The following SORT1 variants were observed in gnomAD, a reference collection of about 807,000 sequenced individuals.
The protein encoded by SORT1 is sortilin 1, also known as sortilin.
SORT1 carries 39 observed loss-of-function variants against 101.7 expected under a neutral mutation model. The ratio of observed to expected loss-of-function variants is 0.38; its 90% confidence interval spans 0.30 to 0.50. SORT1 has a LOEUF of 0.50. SORT1 is among the 20% of genes least tolerant of loss of function. The pLI is 0.90. For missense variants in SORT1, 878 were observed against 1,040.4 expected, an observed-to-expected ratio of 0.84 and a Z score of 2.15; for synonymous variants, 396 against 393.7, an observed-to-expected ratio of 1.01 and a Z score of -0.07.
chr1:109,327,410 T>A, intron 12 of SORT1, 89 bp downstream of exon 12: 3 of 827,840 alleles, frequency 3.6e-6, no homozygotes, highest in Non-Finnish European at 5.8e-6. Context: ...CCACATTGTT[T>A]CTTCTCAGAG....
intron 11 of SORT1, among the ~76,000 whole-genome samples, chr1:109,329,201 A>T (rs962415416): frequency 2.6e-5 from 4 of 152,114 alleles, no homozygotes; most frequent in Admixed American, 6.5e-5. Flanking sequence ...AAGTAGAGAT[A>T]AAAAAAAGAT....
chr1:109,358,305 A>G (rs1336583440), intron 3 of SORT1, among the ~76,000 whole-genome samples: 2 of 152,186 alleles, frequency 1.3e-5, no homozygotes, highest in African/African-American at 4.8e-5. Context: ...TTCTATCAGC[A>G]TACATATCAT....
chr1:109,359,202 T>A (rs1257424047), intron 3 of SORT1, among the ~76,000 whole-genome samples: 2 of 152,170 alleles, frequency 1.3e-5, no homozygotes, highest in South Asian at 4.2e-4. Flanking sequence ...CTCTTGTCAC[T>A]GTAACCGTAC....
chr1:109,313,697 C>G lies in SORT1; in HGVS notation c.*346G>C. 3.1e-6 allele frequency: 1 copy of G among 318,170 alleles called. No homozygotes were observed. Among genetic ancestry groups the G allele is most frequent in the Non-Finnish European group, 5.9e-6 (1 of 170,518 alleles). 19.7% of individuals were successfully genotyped at this position (318,170 alleles called of 1,614,324 possible). ...CCTGGGGCAGGCGCCATGCAGAACA[C>G]ACAGAAGTGGGGTTAGTGAAAAGGT... is the stretch of plus-strand genomic sequence containing the variant. On this transcript the variant is annotated 3_prime_UTR_variant, in exon 20 of 20. Transcript: ENST00000256637.
chr1:109,393,238 C>T (rs1653017013), intron 1 of SORT1: 1 of 985,296 alleles, frequency 1.0e-6, no homozygotes, highest in Non-Finnish European at 1.2e-6. Context: ...ATTTAAGGAA[C>T]CAGATGCTTT....
intron 3 of SORT1, among the ~76,000 whole-genome samples, chr1:109,360,628 C>T (rs1255201185): frequency 2.0e-5 from 3 of 151,912 alleles, no homozygotes; most frequent in African/African-American, 4.8e-5. Flanking sequence ...TGAGCCACTG[C>T]GCCTGGCCTA....
At chr1:109,314,503 G>A in intron 18 of SORT1, 119 bp from the exon 19 acceptor site, 2 of 1,287,982 alleles carry the variant, frequency 1.6e-6, no homozygotes, top group Non-Finnish European at 2.2e-6. Flanking sequence ...AGAAAGCACA[G>A]TCCATGGTTG....
rs1253451043 is a variant in SORT1 at position 109,397,856 on chromosome 1, G to C, written c.37C>G (p.Arg13Gly). The C allele has an allele frequency of 2.3e-6, 3 of 1,284,516 alleles. No homozygotes were observed. The highest frequency in any genetic ancestry group is 1.8e-5 in the South Asian group (1 of 55,440). 79.6% of individuals were successfully genotyped at this position (1,284,516 alleles called of 1,614,324 possible). Residue 13 changes from arginine to glycine, a missense_variant, in exon 1 of 20, where the codon CGC becomes GGC. Physicochemically the swap from Arg to Gly is moderately radical, Grantham distance 125 (BLOSUM62 -2). Around this residue, in one of 2 missense-constraint regions of SORT1, gnomAD observed 194 missense variants for 145.9 expected, o/e 1.33. Transcript: ENST00000256637. ...RPWGAADGLSRWPHGLGLLLL... is the reference protein window; with the variant it reads ...RPWGAADGLSGWPHGLGLLLL... Reference sequence around the variant, plus strand: ...AGGAGGCCGAGGCCATGGGGCCAGCGCGAGAGGCCGTCCGCAGCTCCCCAG... The same window carrying C: ...AGGAGGCCGAGGCCATGGGGCCAGCCCGAGAGGCCGTCCGCAGCTCCCCAG...
chr1:109,316,723 GA>G, intron 17 of SORT1, 126 bp downstream of exon 17: 2 of 627,952 alleles, frequency 3.2e-6, no homozygotes, highest in Non-Finnish European at 5.6e-6. Context: ...CTGTATAAGG[GA>G]AGCCTGAGAG....
chr1:109,345,396 T>C (rs1189892646), intron 8 of SORT1, among the ~76,000 whole-genome samples: 1 of 152,000 alleles, frequency 6.6e-6, no homozygotes, highest in Non-Finnish European at 1.5e-5. Context: ...ACACCTATAG[T>C]CCCACTTACT....
chr1:109,327,558 A>C lies in SORT1; in HGVS notation c.1415T>G (p.Leu472Arg). The C allele has an allele frequency of 6.2e-7, 1 of 1,611,906 alleles. No individual in the cohort carries two copies. The highest frequency in any genetic ancestry group is 8.5e-7 in the Non-Finnish European group (1 of 1,179,344). Residue 472 changes from leucine to arginine, a missense_variant, in exon 12 of 20, where the codon CTG (leucine) becomes CGG (arginine). This residue lies in a region of SORT1 where 684 missense variants were observed against 894.5 expected (regional missense o/e 0.76). Coordinates refer to ENST00000256637, the MANE Select transcript of SORT1 (RefSeq NM_002959.7). ...IHASYSISQK[L>R]NVPMAPLSEP... ...TGAGAGTGGGGCCATTGGAACATTC[A>C]GTTTCTGGGAGATGCTGTAGGAAGC...
chr1:109,321,531 A>G (rs2101538183), intron 15 of SORT1, among the ~76,000 whole-genome samples: 1 of 152,318 alleles, frequency 6.6e-6, no homozygotes, highest in South Asian at 2.1e-4. Flanking sequence ...CTACTGGAAC[A>G]CCAAAGGTGA....
At chr1:109,367,565 A>C in intron 2 of SORT1, 84 bp from the exon 3 acceptor site, 1 of 845,062 alleles carries the variant, frequency 1.2e-6, no homozygotes, top group South Asian at 1.5e-5. Flanking sequence ...GCCAACACCT[A>C]AAAGACTTTT....
At chr1:109,327,357 T>G (rs987482120) in intron 12 of SORT1, 142 bp downstream of exon 12, 32 of 709,686 alleles carry the variant, frequency 4.5e-5, no homozygotes, top group Middle Eastern at 5.7e-4. Context: ...ACCCAAAGTG[T>G]TGTTATAATG....
intron 1 of SORT1, among the ~76,000 whole-genome samples, chr1:109,386,833 G>T (rs905833813): frequency 6.6e-6 from 1 of 151,572 alleles, no homozygotes; most frequent in Non-Finnish European, 1.5e-5. Context: ...AAACTTCACA[G>T]AGATCAGTAG....
chr1:109,362,437 T>C (rs1192581089), intron 3 of SORT1, among the ~76,000 whole-genome samples: 1 of 152,194 alleles, frequency 6.6e-6, no homozygotes, highest in East Asian at 1.9e-4. Context: ...AAAATAATCA[T>C]GGACCTGAAA....
intron 13 of SORT1, among the ~76,000 whole-genome samples, chr1:109,326,165 G>A (rs1009170618): frequency 5.4e-5 from 8 of 147,148 alleles, no homozygotes; most frequent in Admixed American, 4.1e-4. Flanking sequence ...CTCCCACCTC[G>A]GCCTCCCAAG....
intron 15 of SORT1, among the ~76,000 whole-genome samples, chr1:109,320,757 T>G (rs944726716): frequency 1.3e-5 from 2 of 152,212 alleles, no homozygotes; most frequent in African/African-American, 4.8e-5. Flanking sequence ...TGCGCATAGC[T>G]GGTATTCAAT....
chr1:109,342,125 G>A lies in SORT1; in HGVS notation c.997C>T (p.Gln333Ter), dbSNP rs371918164. ...TTRRIHVSTDQGDTWSMAQLP... is the reference protein window; with the variant it reads ...TTRRIHVSTD ...TGGGCCATGCTCCATGTGTCCCCTT[G>A]ATCTGTTGAAACGTGGATCCTTCTT... Residue 333 changes from glutamine to a stop codon, truncating the protein, a stop_gained, in exon 9 of 20, where the codon CAA (glutamine) becomes TAA (stop). Coordinates refer to ENST00000256637, the MANE Select transcript of SORT1 (RefSeq NM_002959.7). LOFTEE classifies it high-confidence loss of function. The A allele has an allele frequency of 1.9e-6, 3 of 1,611,930 alleles. No homozygotes were observed.
Sources: allele counts gnomAD v4.1 joint callset (sites outside exome capture counted in the v4.1 genomes callset), GRCh38; gene constraint gnomAD v4.1.1; regional missense constraint gnomAD v4.1.1; transcripts MANE v1.5; gene names NCBI Gene and HGNC (gene_info 2026-07-23, HGNC 2026-07-21).